SORCS2: variants seen among roughly 807,000 people sequenced by gnomAD.
SORCS2 encodes VPS10 domain-containing receptor SorCS2.
A neutral mutation model predicts 141.6 loss-of-function variants in SORCS2; 100 were observed. The ratio of observed to expected loss-of-function variants is 0.71; its 90% CI spans 0.60 to 0.83. The LOEUF (loss-of-function observed/expected upper bound fraction) is 0.83. SORCS2 is among the 40% of genes least tolerant of loss of function. SORCS2 has a pLI of 0.00. For missense variants in SORCS2, 1,646 were observed against 1,560.2 expected (o/e 1.05, Z -0.93); for synonymous variants, 789 against 676.9 (o/e 1.17, Z -2.57).
At chr4:7,683,948 C>T (rs1157626271) in intron 10 of SORCS2, among the ~76,000 whole-genome samples, 1 of 152,150 alleles carries the variant, frequency 6.6e-6, no homozygotes, top group Admixed American at 6.5e-5. Context: ...CTGTAAGGAG[C>T]CCTGGTCCTA....
At chr4:7,224,604 A>G (rs1728893337) in intron 1 of SORCS2, among the ~76,000 whole-genome samples, 1 of 152,218 alleles carries the variant, frequency 6.6e-6, no homozygotes, top group Admixed American at 6.5e-5. Flanking sequence ...CTTCCTGTAC[A>G]GTGCAAAGGA....
intron 1 of SORCS2, among the ~76,000 whole-genome samples, chr4:7,391,713 G>A (rs951509592): frequency 2.0e-5 from 3 of 152,136 alleles, no homozygotes; most frequent in Non-Finnish European, 4.4e-5. Flanking sequence ...GTCTGTCCCC[G>A]CCAAACCCTT....
At chr4:7,642,600 C>T (rs1322059972) in intron 4 of SORCS2, among the ~76,000 whole-genome samples, 2 of 152,200 alleles carry the variant, frequency 1.3e-5, no homozygotes, top group East Asian at 1.9e-4. Context: ...GGTGGAACAA[C>T]GTCAGCTTTG....
chr4:7,628,502 G>C (rs1440127890), intron 3 of SORCS2, among the ~76,000 whole-genome samples: 1 of 147,284 alleles, frequency 6.8e-6, no homozygotes, highest in Non-Finnish European at 1.5e-5. Context: ...CTGGGCAAAA[G>C]AGTGAGACTC....
intron 2 of SORCS2, among the ~76,000 whole-genome samples, chr4:7,467,110 G>T (rs1291631753): frequency 3.3e-5 from 5 of 152,266 alleles, no homozygotes; most frequent in Admixed American, 6.5e-5. Flanking sequence ...GTCCAGCCTG[G>T]CGTCCCCCCA....
At chr4:7,465,003 G>A (rs1729533193) in intron 2 of SORCS2, among the ~76,000 whole-genome samples, 1 of 152,258 alleles carries the variant, frequency 6.6e-6, no homozygotes, top group African/African-American at 2.4e-5. Flanking sequence ...AAGTGCTGGG[G>A]GTTCTGCCCA....
chr4:7,297,663 T>C (rs1560173054), intron 1 of SORCS2, among the ~76,000 whole-genome samples: 1 of 152,228 alleles, frequency 6.6e-6, no homozygotes. Context: ...ATGAGAACCG[T>C]GCTCTATGGT....
At chr4:7,639,910 G>C (rs1553897249) in intron 4 of SORCS2, among the ~76,000 whole-genome samples, 1 of 126,416 alleles carries the variant, frequency 7.9e-6, no homozygotes, top group Non-Finnish European at 1.7e-5. Flanking sequence ...TGTGTTTGTG[G>C]GTGTGTGTGT....
intron 3 of SORCS2, among the ~76,000 whole-genome samples, chr4:7,546,734 CTG>C (rs1713293390): frequency 1.3e-5 from 2 of 152,192 alleles, no homozygotes; most frequent in African/African-American, 2.4e-5. Flanking sequence ...TTTTCCAACA[CTG>C]TGGTCACGCA....
intron 1 of SORCS2, among the ~76,000 whole-genome samples, chr4:7,320,003 T>C (rs1400668496): frequency 6.6e-6 from 1 of 152,078 alleles, no homozygotes; most frequent in Non-Finnish European, 1.5e-5. Context: ...GTGTACTCTT[T>C]TTTAAAAAGA....
At chr4:7,605,917 TG>T (rs1040169636) in intron 3 of SORCS2, among the ~76,000 whole-genome samples, 2 of 152,132 alleles carry the variant, frequency 1.3e-5, no homozygotes, top group Admixed American at 1.3e-4. Context: ...CCCCAGGTGG[TG>T]GTCTCTGTGG....
intron 2 of SORCS2, among the ~76,000 whole-genome samples, chr4:7,407,816 A>G (rs1347136435): frequency 1.3e-5 from 2 of 151,984 alleles, no homozygotes; most frequent in Admixed American, 6.5e-5. Flanking sequence ...GTTTAAATCC[A>G]TTGATACTTA....
intron 1 of SORCS2, among the ~76,000 whole-genome samples, chr4:7,306,517 C>G (rs529102458): frequency 6.6e-6 from 1 of 152,262 alleles, no homozygotes; most frequent in African/African-American, 2.4e-5. Context: ...AGAGGGAGTT[C>G]AGAACAGAGG....
intron 1 of SORCS2, among the ~76,000 whole-genome samples, chr4:7,348,581 C>T (rs1720766857): frequency 6.6e-6 from 1 of 152,188 alleles, no homozygotes; most frequent in Non-Finnish European, 1.5e-5. Flanking sequence ...GATGGAGTTT[C>T]ACTCTTGTTG....
Position 7,592,609 on chromosome 4 carries a change from G to A in SORCS2, c.649-45719G>A, listed in dbSNP as rs139584764. ...ACATGCAAATCTGCGGTCTCTCCCC[G>A]TCTCAACAACTGAGATGGAGCTTCT... On this transcript the variant is annotated intron_variant, in intron 3 of 26. Transcript: ENST00000507866. Among the ~76,000 whole-genome samples the A allele has an allele frequency of 4.3e-3, 660 of 152,280 alleles. 17 individuals carry two copies. Among genetic ancestry groups the A allele is most frequent in the Admixed American group, 0.034 (523 of 15,288 alleles).
At chr4:7,558,803 C>T (rs1427123830) in intron 3 of SORCS2, among the ~76,000 whole-genome samples, 1 of 152,180 alleles carries the variant, frequency 6.6e-6, no homozygotes, top group African/African-American at 2.4e-5. Context: ...GGGGCTGTCC[C>T]TGGCCCCGCC....
chr4:7,439,270 C>G (rs1727503205), intron 2 of SORCS2, among the ~76,000 whole-genome samples: 1 of 152,132 alleles, frequency 6.6e-6, no homozygotes, highest in Non-Finnish European at 1.5e-5. Flanking sequence ...CATACTGATA[C>G]TTCCAACACT....
intron 1 of SORCS2, among the ~76,000 whole-genome samples, chr4:7,300,822 T>C (rs1451901024): frequency 1.3e-5 from 2 of 152,208 alleles, no homozygotes; most frequent in African/African-American, 2.4e-5. Flanking sequence ...TGACCTGGCA[T>C]GGGGACCTGA....
intron 3 of SORCS2, among the ~76,000 whole-genome samples, chr4:7,533,127 G>A (rs1711799445): frequency 2.0e-5 from 3 of 152,180 alleles, no homozygotes; most frequent in Admixed American, 2.0e-4. Flanking sequence ...TTGGACGAGA[G>A]AGGTGAGATT....
Sources: allele counts gnomAD v4.1 joint callset (sites outside exome capture counted in the v4.1 genomes callset), GRCh38; gene constraint gnomAD v4.1.1; transcripts MANE v1.5; gene names NCBI Gene and HGNC (gene_info 2026-07-23, HGNC 2026-07-21).